DOK6: variants seen among roughly 807,000 people sequenced by gnomAD.
DOK6 encodes downstream of tyrosine kinase 6.
DOK6 carries 22 observed loss-of-function variants against 44.0 expected under a neutral mutation model. That is an observed-to-expected ratio of 0.50 (90% CI 0.36 to 0.71). DOK6 has a LOEUF of 0.71. Ranked by LOEUF, DOK6 falls within the 30% of genes least tolerant of loss-of-function variation. The pLI is 0.00. For missense variants in DOK6, 340 were observed against 416.4 expected (o/e 0.82, Z 1.60); for synonymous variants, 166 against 145.5 (o/e 1.14, Z -1.01).
intron 2 of DOK6, among the ~76,000 whole-genome samples, chr18:69,577,781 G>A (rs151047227): frequency 1.4e-4 from 21 of 152,218 alleles, no homozygotes; most frequent in African/African-American, 4.3e-4. Flanking sequence ...CTGTAACATT[G>A]TGATGTCTAA....
At chr18:69,605,492 T>C (rs976631681) in intron 3 of DOK6, among the ~76,000 whole-genome samples, 5 of 152,286 alleles carry the variant, frequency 3.3e-5, no homozygotes, top group Admixed American at 3.3e-4. Flanking sequence ...AGGTCTCTCC[T>C]TAAGCACAAA....
intron 1 of DOK6, among the ~76,000 whole-genome samples, chr18:69,514,503 TAATA>T (rs1047070589): frequency 5.3e-5 from 8 of 152,164 alleles, no homozygotes; most frequent in Non-Finnish European, 1.5e-5. Context: ...TCCTGAGCTG[TAATA>T]AATAACTCAT....
At chr18:69,426,380 T>C (rs1303210109) in intron 1 of DOK6, among the ~76,000 whole-genome samples, 4 of 152,202 alleles carry the variant, frequency 2.6e-5, no homozygotes, top group Non-Finnish European at 5.9e-5. Context: ...AATAAAAAAT[T>C]CATTGACTTT....
At chr18:69,749,707 G>C (rs183798343) in intron 6 of DOK6, among the ~76,000 whole-genome samples, 1 of 152,040 alleles carries the variant, frequency 6.6e-6, no homozygotes, top group Non-Finnish European at 1.5e-5. Flanking sequence ...CTAGGAGGCC[G>C]AGGCAGGTAG....
chr18:69,807,618 G>C (rs1981092228), intron 7 of DOK6, among the ~76,000 whole-genome samples: 1 of 151,782 alleles, frequency 6.6e-6, no homozygotes, highest in Non-Finnish European at 1.5e-5. Flanking sequence ...CATGCAAATA[G>C]AAACCAAAAG....
intron 6 of DOK6, 76 bp downstream of exon 6, chr18:69,739,179 G>C (rs144140864): frequency 0.017 from 27,122 of 1,569,942 alleles, 287 homozygotes; most frequent in South Asian, 0.035. Context: ...GTGTATGTGT[G>C]GGGCCATTCA....
At chr18:69,525,822 A>C (rs1981815281) in intron 1 of DOK6, among the ~76,000 whole-genome samples, 1 of 152,024 alleles carries the variant, frequency 6.6e-6, no homozygotes, top group Admixed American at 6.6e-5. Flanking sequence ...CCTGCCATGA[A>C]ATATTCTATC....
chr18:69,802,446 A>G (rs187717557), intron 7 of DOK6, among the ~76,000 whole-genome samples: 27 of 152,290 alleles, frequency 1.8e-4, no homozygotes, highest in Non-Finnish European at 3.2e-4. Context: ...TCTAAAAAGA[A>G]TTATGTCTTT....
intron 1 of DOK6, among the ~76,000 whole-genome samples, chr18:69,472,396 G>T (rs1329084851): frequency 6.6e-6 from 1 of 152,140 alleles, no homozygotes; most frequent in Admixed American, 6.5e-5. Flanking sequence ...TAGAAGAAAA[G>T]GTGGCACATC....
intron 4 of DOK6, among the ~76,000 whole-genome samples, chr18:69,695,563 A>C (rs185914594): frequency 6.6e-6 from 1 of 152,242 alleles, no homozygotes; most frequent in Non-Finnish European, 1.5e-5. Flanking sequence ...AAAGTGTATT[A>C]TGCTACTAAG....
intron 1 of DOK6, among the ~76,000 whole-genome samples, chr18:69,431,987 A>G (rs1168960275): frequency 2.0e-5 from 3 of 151,856 alleles, no homozygotes; most frequent in Admixed American, 6.6e-5. Flanking sequence ...TTTAAACATC[A>G]TACTTTAAAA....
intron 3 of DOK6, among the ~76,000 whole-genome samples, chr18:69,633,466 G>A (rs1984734208): frequency 6.6e-6 from 1 of 152,010 alleles, no homozygotes; most frequent in Non-Finnish European, 1.5e-5. Flanking sequence ...TCTGCCTATG[G>A]GTTTCCATGT....
chr18:69,712,693 A>C (rs918356288), intron 5 of DOK6, among the ~76,000 whole-genome samples: 1 of 152,104 alleles, frequency 6.6e-6, no homozygotes, highest in Non-Finnish European at 1.5e-5. Context: ...CTAAAAATAC[A>C]TAAGTTAGCC....
chr18:69,507,515 A>T (rs551559001), intron 1 of DOK6, among the ~76,000 whole-genome samples: 1 of 152,126 alleles, frequency 6.6e-6, no homozygotes, highest in East Asian at 1.9e-4. Context: ...GAGTCTTCTA[A>T]AATATGAAGA....
At position 69,628,320 on chromosome 18, in the gene DOK6, A is replaced by G. The variant is rs545923279; in HGVS notation, c.289+28822A>G. ...AGCCTGGCAAACTTGGTGAAACCCC[A>G]TGTTTACTAAAATATAAAACTTATC... On this transcript the variant is annotated intron_variant, in intron 3 of 7. Transcript: ENST00000382713. 2.5e-3 allele frequency among the ~76,000 whole-genome samples: 386 copies of G among 152,250 alleles called. 1 individual carries two copies. Among genetic ancestry groups the G allele is most frequent in the African/African-American group, 8.8e-3 (365 of 41,540 alleles).
chr18:69,617,140 C>T (rs1482517747), intron 3 of DOK6, among the ~76,000 whole-genome samples: 1 of 151,658 alleles, frequency 6.6e-6, no homozygotes, highest in African/African-American at 2.4e-5. Flanking sequence ...TTTTAAAATG[C>T]AATGTACTCT....
intron 1 of DOK6, among the ~76,000 whole-genome samples, chr18:69,547,994 C>T (rs1386933665): frequency 6.7e-6 from 1 of 148,850 alleles, no homozygotes; most frequent in Non-Finnish European, 1.5e-5. Context: ...CTCGCTGTCA[C>T]CCAGGCTGGA....
chr18:69,447,164 A>C lies in DOK6; in HGVS notation c.66+45854A>C, dbSNP rs1003935424. On this transcript the variant is annotated intron_variant, in intron 1 of 7. Transcript: ENST00000382713. ...TCCTGAATGGTATTGCCTAGGTTTTATTCTAGGGTTTTTATGGTTTTAGGT... is the reference window on the plus strand; with the variant it reads ...TCCTGAATGGTATTGCCTAGGTTTTCTTCTAGGGTTTTTATGGTTTTAGGT... 6.6e-5 allele frequency among the ~76,000 whole-genome samples: 10 copies of C among 152,148 alleles called. No homozygotes were observed. In the South Asian group the frequency reaches 1.2e-3, roughly 19 times the overall value.
chr18:69,606,983 G>A (rs368003218), intron 3 of DOK6, among the ~76,000 whole-genome samples: 9 of 152,140 alleles, frequency 5.9e-5, no homozygotes, highest in Admixed American at 5.9e-4. Context: ...ATGGTTTTAT[G>A]TGTTACTCTT....
Sources: gnomAD v4.1 joint callset for allele counts (sites outside exome capture counted in the v4.1 genomes callset) on GRCh38, gnomAD v4.1.1 for gene constraint, MANE v1.5 for transcripts, NCBI Gene and HGNC (gene_info 2026-07-23, HGNC 2026-07-21) for gene names.